The following SKAP2 variants were observed in gnomAD, a reference collection of about 807,000 sequenced individuals.
SKAP2 encodes src kinase-associated phosphoprotein 2.
Under a neutral mutation model 54.9 loss-of-function variants are expected in SKAP2, and 28 were observed. The observed-to-expected ratio is 0.51, with a 90% CI of 0.38 to 0.70. The LOEUF (loss-of-function observed/expected upper bound fraction) is 0.70, where lower values mean the gene tolerates loss of function less well. Among genes scored for constraint, SKAP2 ranks in the 30% least tolerant of loss-of-function variants. SKAP2 has a pLI of 0.00. For synonymous variants in SKAP2, 137 were observed against 134.3 expected (o/e 1.02, Z -0.14); for missense variants, 356 against 424.1 (o/e 0.84, Z 1.41).
At chr7:26,732,589 G>T (rs1164347543) in intron 6 of SKAP2, among the ~76,000 whole-genome samples, 1 of 152,186 alleles carries the variant, frequency 6.6e-6, no homozygotes, top group Non-Finnish European at 1.5e-5. Flanking sequence ...TTTCCCTTCA[G>T]TGAATAACTT....
intron 9 of SKAP2, among the ~76,000 whole-genome samples, chr7:26,724,299 G>A (rs1173793891): frequency 6.6e-6 from 1 of 152,074 alleles, no homozygotes; most frequent in Non-Finnish European, 1.5e-5. Flanking sequence ...AATTAATTGT[G>A]GGATCAAGCA....
In SKAP2 at chr7:26,672,166, C is replaced by G. The variant is rs149926998; in HGVS notation, c.988-1974G>C. Among the ~76,000 whole-genome samples the G allele has an allele frequency of 6.6e-4, 100 of 152,140 alleles. No homozygotes were observed. In the South Asian group the frequency reaches 9.1e-3, roughly 14 times the overall value. On this transcript the variant is annotated intron_variant, in intron 11 of 12. Coordinates refer to ENST00000345317, the MANE Select transcript of SKAP2 (RefSeq NM_003930.5). ...TTGCTTCCAGAGAATGGCCCTCAAT[C>G]TGGGGGTCAATGCTTAGATTCAAAT...
At chr7:26,699,583 A>T (rs1322908678) in intron 9 of SKAP2, among the ~76,000 whole-genome samples, 1 of 152,168 alleles carries the variant, frequency 6.6e-6, no homozygotes, top group African/African-American at 2.4e-5. Flanking sequence ...CCTATTTATC[A>T]TTAGATAGTA....
downstream of SKAP2, among the ~76,000 whole-genome samples, chr7:26,664,179 G>C (rs1266749767): frequency 2.0e-5 from 3 of 152,138 alleles, no homozygotes; most frequent in Non-Finnish European, 4.4e-5. Context: ...GGCTTGGTTA[G>C]GTAACTCACT....
intron 9 of SKAP2, among the ~76,000 whole-genome samples, chr7:26,691,478 T>C (rs987181761): frequency 1.3e-5 from 2 of 152,220 alleles, no homozygotes; most frequent in African/African-American, 4.8e-5. Context: ...TATATAAATG[T>C]AGTCATTGTA....
At chr7:26,830,162 A>T (rs1234505816) in intron 4 of SKAP2, among the ~76,000 whole-genome samples, 1 of 152,200 alleles carries the variant, frequency 6.6e-6, no homozygotes. Flanking sequence ...GATTCCATTT[A>T]TATGAAATAT....
chr7:26,817,176 C>G (rs1312641840), intron 4 of SKAP2, among the ~76,000 whole-genome samples: 2 of 152,096 alleles, frequency 1.3e-5, no homozygotes, highest in East Asian at 3.8e-4. Context: ...TATATCTGGA[C>G]TAAATAACAG....
In SKAP2 at chr7:26,726,821, T is replaced by C. The variant is rs575310935; in HGVS notation, c.594+61A>G. ...AAAGTATTAATCAAATGTTAATGTC[T>C]CTATAAATGAAATCAAAACATTTTA... On this transcript the variant is annotated intron_variant, in intron 7 of 12. Coordinates refer to ENST00000345317, the MANE Select transcript of SKAP2 (RefSeq NM_003930.5). The C allele has an allele frequency of 8.7e-5, 118 of 1,355,726 alleles. 2 individuals are homozygous for C. The South Asian group carries it at 1.6e-3, about 18-fold the overall frequency. 84.0% of individuals were successfully genotyped at this position (1,355,726 alleles called of 1,614,324 possible).
At chr7:26,753,958 A>T (rs1292461174) in intron 4 of SKAP2, among the ~76,000 whole-genome samples, 2 of 152,230 alleles carry the variant, frequency 1.3e-5, no homozygotes, top group Non-Finnish European at 2.9e-5. Context: ...ACTCCCATTC[A>T]GTTCTAAACT....
intron 4 of SKAP2, among the ~76,000 whole-genome samples, chr7:26,817,142 G>A (rs1211914487): frequency 6.6e-6 from 1 of 152,004 alleles, no homozygotes; most frequent in African/African-American, 2.4e-5. Flanking sequence ...CATGATTTTG[G>A]GATAAAAAGC....
At chr7:26,778,032 G>C (rs909449663) in intron 4 of SKAP2, among the ~76,000 whole-genome samples, 13 of 151,950 alleles carry the variant, frequency 8.6e-5, no homozygotes, top group African/African-American at 3.1e-4. Flanking sequence ...TATAGCAAAA[G>C]GTAGCACAGA....
chr7:26,798,830 G>A (rs1408722777), intron 4 of SKAP2, among the ~76,000 whole-genome samples: 2 of 152,148 alleles, frequency 1.3e-5, no homozygotes, highest in East Asian at 3.8e-4. Context: ...TATTCAAATA[G>A]TGTTGTTTTT....
chr7:26,807,411 A>T (rs1784052938), intron 4 of SKAP2, among the ~76,000 whole-genome samples: 1 of 152,190 alleles, frequency 6.6e-6, no homozygotes, highest in South Asian at 2.1e-4. Flanking sequence ...CTGATAGTTT[A>T]AAAGTGTTTG....
At chr7:26,840,292 C>T (rs1784794288) in intron 4 of SKAP2, among the ~76,000 whole-genome samples, 2 of 152,104 alleles carry the variant, frequency 1.3e-5, no homozygotes, top group South Asian at 2.1e-4. Context: ...TTGTAACATA[C>T]ATCTACTGGG....
chr7:26,863,453 T>C (rs1785308575), intron 1 of SKAP2, among the ~76,000 whole-genome samples: 1 of 152,182 alleles, frequency 6.6e-6, no homozygotes, highest in Non-Finnish European at 1.5e-5. Context: ...ATGGTTGAAA[T>C]TCCAGAACAT....
chr7:26,665,354 C>T (rs149765357), downstream of SKAP2, among the ~76,000 whole-genome samples: 1,122 of 152,246 alleles, frequency 7.4e-3, 31 homozygotes, highest in Admixed American at 0.058. Flanking sequence ...TCTTATTATT[C>T]ACAATCTCAC....
chr7:26,829,497 C>CAT (rs1784560259), intron 4 of SKAP2, among the ~76,000 whole-genome samples: 1 of 152,042 alleles, frequency 6.6e-6, no homozygotes, highest in African/African-American at 2.4e-5. Context: ...GGGCCCTGAT[C>CAT]ATACCACACT....
At chr7:26,738,178 G>A (rs1161080409) in intron 6 of SKAP2, among the ~76,000 whole-genome samples, 1 of 152,146 alleles carries the variant, frequency 6.6e-6, no homozygotes, top group African/African-American at 2.4e-5. Flanking sequence ...CTGTGACCTT[G>A]AACAAGTCAC....
At chr7:26,861,410 G>C (rs899292279) in intron 1 of SKAP2, among the ~76,000 whole-genome samples, 1 of 152,058 alleles carries the variant, frequency 6.6e-6, no homozygotes, top group African/African-American at 2.4e-5. Context: ...TGCCTGTAAT[G>C]CATATGGCAG....
Sources: allele counts gnomAD v4.1 joint callset (sites outside exome capture counted in the v4.1 genomes callset), GRCh38; gene constraint gnomAD v4.1.1; transcripts MANE v1.5; gene names NCBI Gene and HGNC (gene_info 2026-07-23, HGNC 2026-07-21).